The following TANC1 variants were observed in gnomAD, a reference collection of about 807,000 sequenced individuals.
The protein encoded by TANC1 is tetratricopeptide repeat, ankyrin repeat and coiled-coil containing 1.
TANC1 carries 77 observed loss-of-function variants against 149.7 expected under a neutral mutation model. The observed-to-expected ratio is 0.51, with a 90% CI of 0.43 to 0.62. The LOEUF (loss-of-function observed/expected upper bound fraction) is 0.62. TANC1 is among the 20% of genes least tolerant of loss of function. TANC1 has a pLI of 0.00. For missense variants in TANC1, 1,985 were observed against 2,321.8 expected (o/e 0.85, Z 2.98); for synonymous variants, 854 against 925.0 (o/e 0.92, Z 1.39).
intron 2 of TANC1, among the ~76,000 whole-genome samples, chr2:159,040,925 T>C (rs1356129656): frequency 6.6e-6 from 1 of 152,236 alleles, no homozygotes; most frequent in African/African-American, 2.4e-5. Context: ...TTGATGATGG[T>C]GACCTACAGA....
intron 2 of TANC1, among the ~76,000 whole-genome samples, chr2:159,008,621 T>C (rs566079380): frequency 2.0e-5 from 3 of 152,342 alleles, no homozygotes; most frequent in African/African-American, 7.2e-5. Flanking sequence ...TTTTTCTTGA[T>C]ATGCTAGACT....
intron 9 of TANC1, 138 bp from the exon 10 acceptor site, chr2:159,170,386 G>A (rs905961400): frequency 3.7e-5 from 28 of 757,112 alleles, no homozygotes; most frequent in African/African-American, 1.8e-4. Context: ...TTAATAGAAC[G>A]AGATTGGAAA....
intron 2 of TANC1, 107 bp from the exon 3 acceptor site, chr2:159,065,789 T>A: frequency 1.3e-6 from 1 of 792,930 alleles, no homozygotes; most frequent in South Asian, 1.6e-5. Context: ...ACCTTAATAT[T>A]AAGCGGTCTG....
chr2:159,009,263 A>G (rs2037524903), intron 2 of TANC1, among the ~76,000 whole-genome samples: 2 of 152,238 alleles, frequency 1.3e-5, no homozygotes, highest in African/African-American at 2.4e-5. Flanking sequence ...ACTACTGAGT[A>G]TATATCCCAA....
chr2:159,101,484 A>G (rs529027737), intron 4 of TANC1, among the ~76,000 whole-genome samples: 1 of 150,068 alleles, frequency 6.7e-6, no homozygotes, highest in South Asian at 2.1e-4. Context: ...TATTATTTTT[A>G]TTTACTCTTC....
chr2:159,062,898 C>T lies in TANC1; in HGVS notation c.-15-2998C>T, dbSNP rs561427614. On this transcript the variant is annotated intron_variant, in intron 2 of 26. Transcript: ENST00000263635. ...AGGAGAATGGCGTGAACCCGGGAAG[C>T]GGAGCTTGCAGTGAGCCGAGATTGC... Among the ~76,000 whole-genome samples the T allele has an allele frequency of 2.2e-5, 3 of 138,930 alleles. No homozygotes were observed. The South Asian group carries it at 7.1e-4, about 33-fold the overall frequency. The allele number at this position is 138,930 out of a possible 152,430, so 91.1% of individuals were successfully genotyped here. A position where few individuals can be genotyped will look rare whatever the true frequency, so the allele number is the denominator to read the frequency against.
intron 1 of TANC1, among the ~76,000 whole-genome samples, chr2:158,995,032 T>C (rs967653180): frequency 2.0e-5 from 3 of 152,172 alleles, no homozygotes; most frequent in African/African-American, 4.8e-5. Context: ...GACTAGCCAT[T>C]TATGGGGCTG....
chr2:159,227,621 G>A (rs1282972909), intron 24 of TANC1, 198 bp from the exon 25 acceptor site: 9 of 582,694 alleles, frequency 1.5e-5, no homozygotes, highest in Admixed American at 6.8e-5. Flanking sequence ...GGATGCGGGT[G>A]CATGTGAGGA....
chr2:159,094,931 G>GT (rs2045943188), intron 3 of TANC1, among the ~76,000 whole-genome samples: 1 of 151,688 alleles, frequency 6.6e-6, no homozygotes, highest in Admixed American at 6.6e-5. Flanking sequence ...AGTGAGAGGT[G>GT]TTTTTTTATT....
chr2:159,110,307 T>G (rs1285524983), intron 4 of TANC1, among the ~76,000 whole-genome samples: 2 of 152,176 alleles, frequency 1.3e-5, no homozygotes, highest in Non-Finnish European at 2.9e-5. Context: ...CTATCCTCAG[T>G]TTCCACTGGA....
At chr2:159,181,382 G>GC (rs1195849320) in intron 14 of TANC1, among the ~76,000 whole-genome samples, 1 of 151,032 alleles carries the variant, frequency 6.6e-6, no homozygotes, top group Non-Finnish European at 1.5e-5. Flanking sequence ...TGCAGGCTCC[G>GC]CCCCCTGGGG....
At chr2:159,083,582 C>T (rs2044505997) in intron 3 of TANC1, among the ~76,000 whole-genome samples, 1 of 152,084 alleles carries the variant, frequency 6.6e-6, no homozygotes, top group Non-Finnish European at 1.5e-5. Context: ...TCAACATTTG[C>T]TTATTTTCAT....
chr2:159,191,768 T>C (rs2150672635), intron 16 of TANC1, among the ~76,000 whole-genome samples: 1 of 152,350 alleles, frequency 6.6e-6, no homozygotes, highest in Non-Finnish European at 1.5e-5. Context: ...TGGACATCTA[T>C]CACTGAAATA....
chr2:159,164,911 A>G (rs181156352), intron 8 of TANC1, among the ~76,000 whole-genome samples: 5 of 152,348 alleles, frequency 3.3e-5, no homozygotes, highest in Admixed American at 1.3e-4. Flanking sequence ...AGAGAACATT[A>G]TACGAGTTGA....
At chr2:159,211,117 C>T (rs1235605413) in intron 19 of TANC1, among the ~76,000 whole-genome samples, 2 of 152,140 alleles carry the variant, frequency 1.3e-5, no homozygotes, top group Admixed American at 6.5e-5. Flanking sequence ...GTGACTTGCC[C>T]GCCACAGCCT....
Position 159,148,983 on chromosome 2 carries a change from A to G in TANC1, c.365-159A>G, listed in dbSNP as rs544622587. ...TAACCTGTCACAGTCCCTTAATTAG[A>G]ATGTATTGCTAGAGGACAGGGTGCG... On this transcript the variant is annotated intron_variant, in intron 5 of 26. Coordinates refer to ENST00000263635, the MANE Select transcript of TANC1 (RefSeq NM_033394.3). 8 of 752,040 alleles carry G rather than the reference A, an allele frequency of 1.1e-5. No homozygotes were observed. In the Admixed American group the frequency reaches 2.1e-4, roughly 19 times the overall value. The allele number at this position is 752,040 out of a possible 1,614,324, so 46.6% of individuals were successfully genotyped here. A position where few individuals can be genotyped will look rare whatever the true frequency, so the allele number is the denominator to read the frequency against.
chr2:159,038,014 G>A (rs190377691), intron 2 of TANC1, among the ~76,000 whole-genome samples: 39 of 152,216 alleles, frequency 2.6e-4, no homozygotes, highest in African/African-American at 9.4e-4. Context: ...ATTTGTTTGT[G>A]TCCTCTTTTA....
At chr2:159,035,092 GA>G (rs578166653) in intron 2 of TANC1, among the ~76,000 whole-genome samples, 8 of 152,170 alleles carry the variant, frequency 5.3e-5, no homozygotes, top group South Asian at 2.1e-4. Flanking sequence ...GTACTTGGGA[GA>G]AAAAAAATTT....
intron 4 of TANC1, among the ~76,000 whole-genome samples, chr2:159,105,499 A>G (rs2047092225): frequency 6.6e-6 from 1 of 152,154 alleles, no homozygotes; most frequent in African/African-American, 2.4e-5. Context: ...AGTGATATTT[A>G]CAAACATCTC....
Sources: allele counts gnomAD v4.1 joint callset (sites outside exome capture counted in the v4.1 genomes callset), GRCh38; gene constraint gnomAD v4.1.1; transcripts MANE v1.5; gene names NCBI Gene and HGNC (gene_info 2026-07-23, HGNC 2026-07-21).